Variants in ACACA observed in about 807,000 individuals in gnomAD.
ACACA encodes the protein acetyl-CoA carboxylase alpha.
ACACA carries 103 observed loss-of-function variants against 296.1 expected under a neutral mutation model. The ratio of observed to expected loss-of-function variants is 0.35; its 90% CI spans 0.30 to 0.41. The LOEUF is 0.41. Among genes scored for constraint, ACACA ranks in the 10% least tolerant of loss-of-function variants. The pLI is 1.00. For missense variants in ACACA, 1,554 were observed against 2,989.7 expected (o/e 0.52, Z 11.20); for synonymous variants, 953 against 1,038.6 (o/e 0.92, Z 1.58).
chr17:37,390,250 A>AAT (rs2050765716), intron 1 of ACACA, among the ~76,000 whole-genome samples: 2 of 34,782 alleles, frequency 5.8e-5, no homozygotes, highest in African/African-American at 4.7e-4. Flanking sequence ...TATTATATAT[A>AAT]TATTATATAT....
At chr17:37,273,160 T>A (rs910463982) in intron 9 of ACACA, among the ~76,000 whole-genome samples, 6 of 152,202 alleles carry the variant, frequency 3.9e-5, no homozygotes, top group Admixed American at 1.3e-4. Flanking sequence ...TAACTTAAAA[T>A]GCAAACAATA....
intron 3 of ACACA, among the ~76,000 whole-genome samples, chr17:37,291,611 C>T (rs1311497561): frequency 6.6e-6 from 1 of 152,148 alleles, no homozygotes; most frequent in Non-Finnish European, 1.5e-5. Context: ...TACTTTAGAG[C>T]AAATACCAGG....
At chr17:37,151,162 G>A in intron 44 of ACACA, 139 bp downstream of exon 44, 1 of 967,138 alleles carries the variant, frequency 1.0e-6, no homozygotes, top group Non-Finnish European at 1.5e-6. Flanking sequence ...CTATTATCAT[G>A]TGTGATTAAA....
intron 45 of ACACA, among the ~76,000 whole-genome samples, chr17:37,148,805 C>G (rs1306989383): frequency 2.6e-5 from 4 of 152,050 alleles, no homozygotes; most frequent in Admixed American, 1.3e-4. Flanking sequence ...TGGGTTCAAG[C>G]TATCCTCCTG....
Position 37,097,813 on chromosome 17 carries a change from G to A in ACACA, c.6720+17C>T. 1 of 1,613,430 alleles carries A rather than the reference G, an allele frequency of 6.2e-7. No homozygotes were observed. The highest frequency in any genetic ancestry group is 1.7e-4 in the Middle Eastern group (1 of 6,060). ...ACATGTGGGCCTCTGACAAGAAGTG[G>A]CAACCATTGTACTTACGCTAATAAC... On this transcript the variant is annotated intron_variant, in intron 53 of 55. Transcript: ENST00000616317. This position sits in a 1 kb window ranked among gnomAD's most constrained non-coding sequence, Gnocchi z 4.8.
Position 37,151,328 on chromosome 17 carries a change from G to A in ACACA, c.5541C>T (p.Ala1847=), listed in dbSNP as rs1440460110. The A allele has an allele frequency of 6.2e-7, 1 of 1,613,990 alleles. No homozygotes were observed. The change falls in exon 44 of 56, where the codon GCC becomes GCT. Residue 1847 remains alanine, a synonymous_variant. Transcript: ENST00000616317. ...SGMIAGESSL[A]YNEIITISLV... ...GGCTGATGGTAATGATCTCATTATA[G>A]GCCAATGAGGATTCTCCAGCAATCA...
chr17:37,330,158 T>C lies in ACACA; in HGVS notation c.338+15A>G, dbSNP rs1406070703. ...AAGACAGATTAAATAAGTAGACCAT[T>C]GAACTCTCTCTTACCTTATGTGCAA... On this transcript the variant is annotated intron_variant, in intron 3 of 55. Coordinates refer to ENST00000616317, the MANE Select transcript of ACACA (RefSeq NM_198834.3). 30 of 1,613,840 alleles carry C rather than the reference T, an allele frequency of 1.9e-5. No homozygotes were observed. In the East Asian group the frequency reaches 6.7e-4, roughly 36 times the overall value.
chr17:37,180,695 A>C (rs915490738), intron 40 of ACACA, among the ~76,000 whole-genome samples: 2 of 152,198 alleles, frequency 1.3e-5, no homozygotes, highest in Non-Finnish European at 2.9e-5. Context: ...TTATTCAGCT[A>C]TAACAAATCT....
At chr17:37,214,053 A>T (rs1272094163) in intron 29 of ACACA, among the ~76,000 whole-genome samples, 2 of 152,310 alleles carry the variant, frequency 1.3e-5, no homozygotes, top group East Asian at 3.9e-4. Context: ...CAGTGGTTAC[A>T]TCAAGCTGTG....
At chr17:37,252,308 G>A (rs1373325214) in intron 15 of ACACA, among the ~76,000 whole-genome samples, 200 bp from the exon 16 acceptor site, 1 of 152,148 alleles carries the variant, frequency 6.6e-6, no homozygotes, top group African/African-American at 2.4e-5. Context: ...GAAGAGAAAT[G>A]AAAAACAACT....
Position 37,113,100 on chromosome 17 carries a change from T to C in ACACA, c.6440A>G (p.Asp2147Gly). ...INPRHMEMYA[D>G]RESRGSVLEP... The stretch of plus-strand genomic sequence containing the variant: ...GAAGGCACGCTACCTGCTTTCTCGG[T>C]CAGCATACATCTCCATGTGCCGGGG... Residue 2147 changes from aspartate (D) to glycine (G), a missense_variant, in exon 51 of 56, where the codon GAC becomes GGC. Asp to Gly is a moderately conservative substitution (Grantham distance 94). Around this residue, in one of 16 missense-constraint regions of ACACA, gnomAD observed 553 missense variants for 1,043.6 expected, o/e 0.53. Transcript: ENST00000616317. The surrounding 1 kb of genome is among the most constrained non-coding windows in gnomAD (Gnocchi z 4.0). 6.2e-7 allele frequency: 1 copy of C among 1,614,060 alleles called. No homozygotes were observed.
intron 3 of ACACA, among the ~76,000 whole-genome samples, chr17:37,309,346 G>C (rs1448514623): frequency 6.6e-6 from 1 of 152,040 alleles, no homozygotes; most frequent in Non-Finnish European, 1.5e-5. Context: ...TTTATTGAGT[G>C]ACTATTATAT....
At chr17:37,089,154 T>C (rs972846241) in intron 54 of ACACA, 80 bp from the exon 55 acceptor site, 140 of 1,591,480 alleles carry the variant, frequency 8.8e-5, no homozygotes, top group Middle Eastern at 3.3e-4. Context: ...TCTGGAGTGC[T>C]TGCTTACTCC....
chr17:37,087,517 T>G, intron 55 of ACACA, 78 bp from the exon 56 acceptor site: 1 of 1,551,034 alleles, frequency 6.4e-7, no homozygotes, highest in Non-Finnish European at 8.9e-7. Context: ...AACTGCCCAA[T>G]AAACATGTGT....
chr17:37,118,606 G>A (rs1009436092), intron 50 of ACACA, among the ~76,000 whole-genome samples: 3 of 152,142 alleles, frequency 2.0e-5, no homozygotes, highest in East Asian at 3.8e-4. Context: ...CTGTGTTACA[G>A]GGAGCTACAT....
In ACACA at chr17:37,406,644, G is replaced by C. The variant is rs1597822039; in HGVS notation, c.-345C>G. ...CACGCGCCAGGAAGCCTCAGGCAAC[G>C]GGCCACGCGCCACACGGGCAAAGTG... On this transcript the variant is annotated 5_prime_UTR_variant, in exon 1 of 56. Transcript: ENST00000616317. 1 of 492,918 alleles carries C rather than the reference G, an allele frequency of 2.0e-6. No individual in the cohort carries two copies. The highest frequency in any genetic ancestry group is 1.9e-5 in the African/African-American group (1 of 51,604). The allele number at this position is 492,918 out of a possible 1,614,324, so 30.5% of individuals were successfully genotyped here. A position where few individuals can be genotyped will look rare whatever the true frequency, so the allele number is the denominator to read the frequency against.
chr17:37,375,741 G>A (rs1287791428), intron 1 of ACACA, among the ~76,000 whole-genome samples: 2 of 152,176 alleles, frequency 1.3e-5, no homozygotes, highest in African/African-American at 4.8e-5. Context: ...CAGTGAGCAT[G>A]CATGTAAATG....
At chr17:37,138,726 A>T (rs2075433418) in intron 45 of ACACA, among the ~76,000 whole-genome samples, 1 of 152,222 alleles carries the variant, frequency 6.6e-6, no homozygotes, top group Non-Finnish European at 1.5e-5. Flanking sequence ...TAAGAGACCT[A>T]CTTTGTATTG....
At chr17:37,125,044 TGCTCGTTATA>T (rs1397809997) in intron 48 of ACACA, among the ~76,000 whole-genome samples, 7 of 152,208 alleles carry the variant, frequency 4.6e-5, no homozygotes, top group Admixed American at 6.5e-5. Flanking sequence ...TCGTGGCAGG[TGCTCGTTATA>T]GCTCGTTATA....
Sources: gnomAD v4.1 joint callset for allele counts (sites outside exome capture counted in the v4.1 genomes callset) on GRCh38, gnomAD v4.1.1 for gene constraint, gnomAD v4.1.1 regional missense constraint, Gnocchi (gnomAD v3.1) non-coding constraint, MANE v1.5 for transcripts, NCBI Gene and HGNC (gene_info 2026-07-23, HGNC 2026-07-21) for gene names.